Variants in EBF3 observed in about 807,000 individuals in gnomAD.
EBF3 encodes EBF transcription factor 3.
In EBF3, 18 loss-of-function variants were observed where a neutral mutation model predicts 77.1. The observed-to-expected ratio is 0.23, with a 90% CI of 0.16 to 0.35. EBF3 has a LOEUF of 0.35. EBF3 is among the 10% of genes least tolerant of loss of function. The probability of loss-of-function intolerance (pLI) is 1.00; values close to 1 mark genes in which losing one functional copy is unlikely to be tolerated. For missense variants in EBF3, 558 were observed against 860.0 expected, an observed-to-expected ratio of 0.65 and a Z score of 4.39; for synonymous variants, 350 against 343.5, an observed-to-expected ratio of 1.02 and a Z score of -0.21.
Position 129,857,385 on chromosome 10 carries a change from C to T in EBF3, c.1040-8905G>A, listed in dbSNP as rs982332409. 3.9e-5 allele frequency among the ~76,000 whole-genome samples: 6 copies of T among 152,134 alleles called. No homozygotes were observed. In the East Asian group the frequency reaches 1.2e-3, roughly 29 times the overall value. ...CTTGCCACGGCAGCCCCCAACCCAG[C>T]CCTGGGCCTCCCCCCTCACAGCCCC... On this transcript the variant is annotated intron_variant, in intron 10 of 16. Transcript: ENST00000440978.
At position 129,843,180 on chromosome 10, in the gene EBF3, G is replaced by A. The variant is rs1268207836; in HGVS notation, c.1151C>T (p.Ala384Val). 1 of 1,613,060 alleles carries A rather than the reference G, an allele frequency of 6.2e-7. No homozygotes were observed. The highest frequency in any genetic ancestry group is 1.7e-5 in the Admixed American group (1 of 59,894). ...TCCGTATAAGGCTTCCACCAGGTCC[G>A]CCGCCCGCTTCAGTAACACCTCCTA... ...LPKEVLLKRA[A>V]DLVEALYGMP... Residue 384 changes from alanine to valine, a missense_variant, in exon 12 of 17, where the codon GCG becomes GTG. Coordinates refer to ENST00000440978, the MANE Select transcript of EBF3 (RefSeq NM_001375380.1).
intron 6 of EBF3, among the ~76,000 whole-genome samples, chr10:129,896,668 C>G (rs1165154747): frequency 1.3e-5 from 2 of 152,230 alleles, no homozygotes; most frequent in African/African-American, 4.8e-5. Context: ...CTGACCTCGC[C>G]GGTGCCTTTG....
chr10:129,851,691 G>A (rs182608996), intron 10 of EBF3, among the ~76,000 whole-genome samples: 11 of 152,282 alleles, frequency 7.2e-5, no homozygotes, highest in Non-Finnish European at 1.3e-4. Flanking sequence ...ATTTTGCTAC[G>A]ATGGGTTGCT....
Position 129,841,031 on chromosome 10 carries a change from G to T in EBF3, c.1374C>A (p.Val458=), listed in dbSNP as rs751553455. ...CGCTGCTTGTATTGCGACTGTAGCC[G>T]ACTGTTGAAATCCCCCCCCCGGCCA... ...VSETSQANDQ[V]GYSRNTSSVS... Residue 458 remains valine (V), a splice_region_variant and synonymous_variant, in exon 14 of 17, where the codon GTC becomes GTA. Coordinates refer to ENST00000440978, the MANE Select transcript of EBF3 (RefSeq NM_001375380.1). The surrounding 1 kb of genome is among the most constrained non-coding windows in gnomAD (Gnocchi z 4.6). The T allele has an allele frequency of 1.3e-6, 2 of 1,572,078 alleles. No homozygotes were observed. Among genetic ancestry groups the T allele is most frequent in the Non-Finnish European group, 1.7e-6 (2 of 1,157,856 alleles).
chr10:129,950,664 A>T (rs1858609705), intron 6 of EBF3, among the ~76,000 whole-genome samples: 1 of 152,220 alleles, frequency 6.6e-6, no homozygotes, highest in Admixed American at 6.5e-5. Context: ...CCCTTAACCC[A>T]TGAAATTACT....
rs535434652 is a variant in EBF3 at position 129,877,723 on chromosome 10, T to C, written c.636+45A>G. On this transcript the variant is annotated intron_variant, in intron 7 of 16. Transcript: ENST00000440978. ...CAAATCAGAGAATTCAAATTTGGTA[T>C]GAAAAGTCAGGACCACGGTCCACGT... 2.0e-5 allele frequency: 31 copies of C among 1,539,722 alleles called. No homozygotes were observed. The South Asian group carries it at 3.5e-4, about 17-fold the overall frequency.
At chr10:129,945,104 G>T (rs1858086959) in intron 6 of EBF3, among the ~76,000 whole-genome samples, 1 of 9,020 alleles carries the variant, frequency 1.1e-4, no homozygotes, top group Admixed American at 8.7e-4. Context: ...GGGAGGGGAG[G>T]GGAAGGGGGG....
At chr10:129,850,007 G>A (rs1158126799) in intron 10 of EBF3, among the ~76,000 whole-genome samples, 1 of 152,284 alleles carries the variant, frequency 6.6e-6, no homozygotes, top group Non-Finnish European at 1.5e-5. Flanking sequence ...AGGCCAGAGT[G>A]TCAGGCAAAA....
At chr10:129,960,134 G>C (rs1859388330) in intron 4 of EBF3, among the ~76,000 whole-genome samples, 1 of 152,018 alleles carries the variant, frequency 6.6e-6, no homozygotes, top group South Asian at 2.1e-4. Context: ...AAAGTCTACT[G>C]GGGGAGGGGC....
Position 129,943,690 on chromosome 10 carries a change from C to G in EBF3, c.554+13568G>C, listed in dbSNP as rs1002361651. On this transcript the variant is annotated intron_variant, in intron 6 of 16. Transcript: ENST00000440978. This position sits in a 1 kb window ranked among gnomAD's most constrained non-coding sequence, Gnocchi z 8.8. ...TTTCCTTCAGACATTTTTTTTTTAC[C>G]TCTGCTATGAATTAAAAGAATTGCT... 6.6e-6 allele frequency among the ~76,000 whole-genome samples: 1 copy of G among 151,448 alleles called. No individual in the cohort carries two copies. Among genetic ancestry groups the G allele is most frequent in the Non-Finnish European group, 1.5e-5 (1 of 67,938 alleles).
rs898577655 is a variant in EBF3 at position 129,934,338 on chromosome 10, G to A, written c.554+22920C>T. Among the ~76,000 whole-genome samples the A allele has an allele frequency of 1.5e-4, 23 of 152,144 alleles. 1 individual carries two copies. The highest frequency in any genetic ancestry group is 1.2e-3 in the Admixed American group (19 of 15,284). On this transcript the variant is annotated intron_variant, in intron 6 of 16. Transcript: ENST00000440978. Reference sequence around the variant, plus strand: ...CATCCACATTCACTGTGGGTCCAGCGGGTACTGAGGAGATCCTGGGCTCCA... The same window carrying A: ...CATCCACATTCACTGTGGGTCCAGCAGGTACTGAGGAGATCCTGGGCTCCA...
intron 6 of EBF3, among the ~76,000 whole-genome samples, chr10:129,922,780 C>G (rs1283705054): frequency 6.6e-6 from 1 of 152,240 alleles, no homozygotes; most frequent in African/African-American, 2.4e-5. Flanking sequence ...ACGGGACCAC[C>G]CAGAGCTGCC....
At chr10:129,871,249 G>GA (rs1273408418) in intron 8 of EBF3, among the ~76,000 whole-genome samples, 1 of 152,054 alleles carries the variant, frequency 6.6e-6, no homozygotes, top group Admixed American at 6.5e-5. Flanking sequence ...AAGTGACAAG[G>GA]AAAAAAAATT....
chr10:129,866,368 G>A (rs1852013801), intron 10 of EBF3, among the ~76,000 whole-genome samples: 1 of 152,176 alleles, frequency 6.6e-6, no homozygotes, highest in South Asian at 2.1e-4. Flanking sequence ...TGATTCTCCT[G>A]CCTTTCAAAG....
chr10:129,850,269 C>T (rs1850773340), intron 10 of EBF3, among the ~76,000 whole-genome samples: 1 of 152,234 alleles, frequency 6.6e-6, no homozygotes, highest in Non-Finnish European at 1.5e-5. Context: ...GCAAATGCCC[C>T]TGACAGGTGA....
At chr10:129,904,569 C>G (rs1008035627) in intron 6 of EBF3, among the ~76,000 whole-genome samples, 1 of 149,110 alleles carries the variant, frequency 6.7e-6, no homozygotes, top group Non-Finnish European at 1.5e-5. Context: ...GATGGATGAA[C>G]GGATGGATGG....
At chr10:129,852,383 C>T (rs1850945982) in intron 10 of EBF3, among the ~76,000 whole-genome samples, 1 of 152,178 alleles carries the variant, frequency 6.6e-6, no homozygotes, top group South Asian at 2.1e-4. Context: ...GGGATTGCTG[C>T]AGCTAATGTG....
chr10:129,926,226 C>T (rs904910538), intron 6 of EBF3, among the ~76,000 whole-genome samples: 3 of 152,266 alleles, frequency 2.0e-5, no homozygotes, highest in African/African-American at 2.4e-5. Flanking sequence ...GTGCCAGTCC[C>T]GTGCCAGGCA....
intron 7 of EBF3, among the ~76,000 whole-genome samples, chr10:129,876,410 A>G (rs1852774022): frequency 6.6e-6 from 1 of 152,240 alleles, no homozygotes. Flanking sequence ...AAGGATCAAT[A>G]TCACCAGTAT....
Sources: gnomAD v4.1 joint callset for allele counts (sites outside exome capture counted in the v4.1 genomes callset) on GRCh38, gnomAD v4.1.1 for gene constraint, Gnocchi (gnomAD v3.1) non-coding constraint, MANE v1.5 for transcripts, NCBI Gene and HGNC (gene_info 2026-07-23, HGNC 2026-07-21) for gene names.